The following RALGPS2 variants were observed in gnomAD, a reference collection of about 807,000 sequenced individuals.
RALGPS2 encodes ras-specific guanine nucleotide-releasing factor RalGPS2.
Under a neutral mutation model 86.8 loss-of-function variants are expected in RALGPS2, and 43 were observed. That is an observed-to-expected ratio of 0.50 (90% CI 0.39 to 0.64). The LOEUF (loss-of-function observed/expected upper bound fraction) is 0.64, where lower values mean the gene tolerates loss of function less well. Among genes scored for constraint, RALGPS2 ranks in the 30% least tolerant of loss-of-function variants. RALGPS2 has a pLI of 0.00. For synonymous variants in RALGPS2, 243 were observed against 231.3 expected, an observed-to-expected ratio of 1.05 and a Z score of -0.46; for missense variants, 536 against 694.6, an observed-to-expected ratio of 0.77 and a Z score of 2.57.
chr1:178,786,042 G>A (rs1653634791), intron 4 of RALGPS2, among the ~76,000 whole-genome samples: 1 of 152,060 alleles, frequency 6.6e-6, no homozygotes, highest in African/African-American at 2.4e-5. Context: ...ATAAGGAAGA[G>A]AAACAATATT....
In RALGPS2 at chr1:178,812,928, CTT is replaced by C. The variant is rs397844555; in HGVS notation, c.387+1544_387+1545del. Reference sequence around the variant, plus strand: ...TTTGTGATGATATGTTAGGTAAATACTTTTTTTTTTTTTTTTTTTTTGGAGGT... The same window carrying C: ...TTTGTGATGATATGTTAGGTAAATACTTTTTTTTTTTTTTTTTTTGGAGGT... On this transcript the variant is annotated intron_variant, in intron 6 of 19. Coordinates refer to ENST00000367635, the MANE Select transcript of RALGPS2 (RefSeq NM_152663.5). 3.1e-3 allele frequency among the ~76,000 whole-genome samples: 330 copies of C among 106,820 alleles called. 2 individuals carry two copies. Among genetic ancestry groups the C allele is most frequent in the Middle Eastern group, 5.0e-3 (1 of 200 alleles). 70.1% of individuals were successfully genotyped at this position (106,820 alleles called of 152,430 possible). A position where few individuals can be genotyped will look rare whatever the true frequency, so the allele number is the denominator to read the frequency against.
At chr1:178,838,549 A>C (rs1373873095) in intron 8 of RALGPS2, among the ~76,000 whole-genome samples, 1 of 152,244 alleles carries the variant, frequency 6.6e-6, no homozygotes, top group East Asian at 1.9e-4. Context: ...CCAAAGGTAG[A>C]TAAAACCACA....
intron 8 of RALGPS2, among the ~76,000 whole-genome samples, chr1:178,839,030 G>A (rs141328303): frequency 2.6e-5 from 4 of 152,174 alleles, no homozygotes; most frequent in African/African-American, 4.8e-5. Context: ...CCAAACCTGC[G>A]TCTGATTGGT....
At chr1:178,758,533 C>A (rs1180826200) in intron 1 of RALGPS2, among the ~76,000 whole-genome samples, 3 of 148,396 alleles carry the variant, frequency 2.0e-5, no homozygotes, top group Non-Finnish European at 4.4e-5. Context: ...TCACTTCCTA[C>A]CCCCCCTGCC....
At chr1:178,911,211 G>A (rs1660610040) in intron 19 of RALGPS2, among the ~76,000 whole-genome samples, 1 of 151,880 alleles carries the variant, frequency 6.6e-6, no homozygotes, top group Admixed American at 6.6e-5. Context: ...CCAACTTTTG[G>A]TTCATTGCTT....
intron 4 of RALGPS2, among the ~76,000 whole-genome samples, chr1:178,802,735 A>G (rs559688156): frequency 6.6e-6 from 1 of 152,276 alleles, no homozygotes; most frequent in African/African-American, 2.4e-5. Flanking sequence ...ATTTCTCTGG[A>G]CTGCATATGG....
At chr1:178,906,719 T>G in intron 18 of RALGPS2, 57 bp from the exon 19 acceptor site, 2 of 1,397,538 alleles carry the variant, frequency 1.4e-6, no homozygotes, top group Non-Finnish European at 9.9e-7. Context: ...TCTGGCAGAA[T>G]TATTATGTGT....
At chr1:178,856,202 G>GAGATATATATATATATATATATAT (rs1428022812) in intron 8 of RALGPS2, among the ~76,000 whole-genome samples, 8 of 83,898 alleles carry the variant, frequency 9.5e-5, no homozygotes, top group African/African-American at 5.1e-4. Flanking sequence ...GAGAGAGAGA[G>GAGATATATATATATATATATATAT]ATATATATAT....
At chr1:178,768,035 A>G (rs556888809) in intron 1 of RALGPS2, among the ~76,000 whole-genome samples, 31 of 152,284 alleles carry the variant, frequency 2.0e-4, no homozygotes, top group Admixed American at 6.5e-4. Context: ...GAGCTACTGT[A>G]TCTGGCCTGA....
intron 4 of RALGPS2, among the ~76,000 whole-genome samples, chr1:178,786,009 G>GA (rs1223947868): frequency 6.6e-6 from 1 of 151,960 alleles, no homozygotes; most frequent in Admixed American, 6.6e-5. Context: ...ATAAACTAGA[G>GA]AAAAAATGTT....
At chr1:178,749,640 T>C (rs1297182198) in intron 1 of RALGPS2, among the ~76,000 whole-genome samples, 2 of 152,164 alleles carry the variant, frequency 1.3e-5, no homozygotes, top group African/African-American at 4.8e-5. Flanking sequence ...ACTTGGGATT[T>C]TGTAAATTCA....
At chr1:178,735,068 A>T (rs1650594463) in intron 1 of RALGPS2, among the ~76,000 whole-genome samples, 1 of 152,222 alleles carries the variant, frequency 6.6e-6, no homozygotes, top group African/African-American at 2.4e-5. Context: ...GATCACTTCC[A>T]GCTGGAAACA....
At chr1:178,812,220 A>G (rs1326290275) in intron 6 of RALGPS2, among the ~76,000 whole-genome samples, 1 of 152,130 alleles carries the variant, frequency 6.6e-6, no homozygotes, top group African/African-American at 2.4e-5. Flanking sequence ...ACATAAGAGT[A>G]AGTGATTTTC....
At chr1:178,894,771 T>C (rs1659868647) in intron 16 of RALGPS2, among the ~76,000 whole-genome samples, 1 of 152,100 alleles carries the variant, frequency 6.6e-6, no homozygotes, top group Non-Finnish European at 1.5e-5. Flanking sequence ...AATGTTATTA[T>C]ATGTGCCATA....
At chr1:178,799,930 C>T (rs1010856998) in intron 4 of RALGPS2, among the ~76,000 whole-genome samples, 9 of 152,222 alleles carry the variant, frequency 5.9e-5, no homozygotes, top group African/African-American at 1.2e-4. Context: ...AGATGTTACA[C>T]GTGAATTCAC....
intron 8 of RALGPS2, chr1:178,865,720 T>C: frequency 8.1e-6 from 13 of 1,613,632 alleles, no homozygotes; most frequent in Non-Finnish European, 1.1e-5. Context: ...CTCTGCAATG[T>C]CCAGTGTCCA....
rs73039873 is a variant in RALGPS2 at position 178,891,095 on chromosome 1, A to G, written c.1248-1135A>G. On this transcript the variant is annotated intron_variant, in intron 14 of 19. Coordinates refer to ENST00000367635, the MANE Select transcript of RALGPS2 (RefSeq NM_152663.5). Reference sequence around the variant, plus strand: ...GTGGTGTGTTAAATAATCTGTTCTCATCCCAGCAGGTTACTTATGAAGACA... The same window carrying G: ...GTGGTGTGTTAAATAATCTGTTCTCGTCCCAGCAGGTTACTTATGAAGACA... Among the ~76,000 whole-genome samples the G allele has an allele frequency of 9.5e-3, 1,453 of 152,176 alleles. 19 individuals carry two copies. The highest frequency in any genetic ancestry group is 0.033 in the African/African-American group (1,385 of 41,566).
At chr1:178,895,603 C>T (rs561473980) in intron 16 of RALGPS2, among the ~76,000 whole-genome samples, 21 of 152,090 alleles carry the variant, frequency 1.4e-4, no homozygotes, top group Non-Finnish European at 2.8e-4. Context: ...GACAAGAAGG[C>T]TTGTGTAGTT....
intron 4 of RALGPS2, among the ~76,000 whole-genome samples, chr1:178,794,508 T>C (rs930454951): frequency 6.6e-6 from 1 of 152,240 alleles, no homozygotes; most frequent in Admixed American, 6.5e-5. Flanking sequence ...GACTGTATTC[T>C]GAAGGTTTTT....
Sources: gnomAD v4.1 joint callset for allele counts (sites outside exome capture counted in the v4.1 genomes callset) on GRCh38, gnomAD v4.1.1 for gene constraint, MANE v1.5 for transcripts, NCBI Gene and HGNC (gene_info 2026-07-23, HGNC 2026-07-21) for gene names.